Variants in PRKCH observed in about 807,000 individuals in gnomAD.
PRKCH encodes the protein protein kinase C eta.
A neutral mutation model predicts 82.5 loss-of-function variants in PRKCH; 28 were observed. The observed-to-expected ratio is 0.34, with a 90% confidence interval of 0.25 to 0.47. PRKCH has a LOEUF of 0.47. Ranked by LOEUF, PRKCH falls within the 20% of genes least tolerant of loss-of-function variation. The pLI, the probability that PRKCH is intolerant of heterozygous loss-of-function variation, is 1.00. For missense variants in PRKCH, 705 were observed against 881.8 expected, an observed-to-expected ratio of 0.80 and a Z score of 2.54; for synonymous variants, 322 against 327.4, an observed-to-expected ratio of 0.98 and a Z score of 0.18.
intron 2 of PRKCH, among the ~76,000 whole-genome samples, chr14:61,406,072 G>A (rs187218604): frequency 6.6e-6 from 1 of 152,312 alleles, no homozygotes; most frequent in African/African-American, 2.4e-5. Context: ...ACAGAATTCA[G>A]GTAAGCACCT....
Position 61,236,801 on chromosome 14 carries a change from G to A in PRKCH, c.-19+49133G>A, listed in dbSNP as rs1019769221. Among the ~76,000 whole-genome samples the A allele has an allele frequency of 4.7e-5, 7 of 150,344 alleles. No homozygotes were observed. In the South Asian group the frequency reaches 8.5e-4, roughly 18 times the overall value. On this transcript the variant is annotated intron_variant, in intron 1 of 3. Coordinates refer to the PRKCH transcript ENST00000555185. ...CACAAGAGTGACCTCTGGTGTCCTC[G>A]CTGCTACACACCCATCAGCACCACG...
At chr14:61,320,183 C>T (rs2045597058), upstream of PRKCH, among the ~76,000 whole-genome samples, 1 of 151,804 alleles carries the variant, frequency 6.6e-6, no homozygotes, top group African/African-American at 2.4e-5. Context: ...CAAAGCAAAA[C>T]CCAGTCTCTA....
intron 10 of PRKCH, among the ~76,000 whole-genome samples, chr14:61,500,159 G>A (rs1232524493): frequency 6.6e-6 from 1 of 151,306 alleles, no homozygotes; most frequent in Non-Finnish European, 1.5e-5. Context: ...TTGGCTAACT[G>A]AACTGAGTTA....
rs1481234421 is a variant in PRKCH, at chr14:61,457,404, TACTC to T, written c.1104+88_1104+91del. On this transcript the variant is annotated intron_variant, in intron 8 of 13. Transcript: ENST00000332981. ...GTGTGTGTGTGCACGCATGCGCACA[TACTC>T]ACATTTCTCATGTGCCATTCTTTCT... 87 of 1,584,980 alleles carry T rather than the reference TACTC, an allele frequency of 5.5e-5. No individual in the cohort carries two copies. In the Middle Eastern group the frequency reaches 6.8e-4, roughly 12 times the overall value.
intron 1 of PRKCH, among the ~76,000 whole-genome samples, chr14:61,192,018 TTG>T (rs67540297): frequency 0.31 from 45,995 of 148,482 alleles, 8,156 homozygotes; most frequent in East Asian, 0.51. Flanking sequence ...TCCTAAAACA[TTG>T]TGTGTGTGTG....
intron 1 of PRKCH, among the ~76,000 whole-genome samples, chr14:61,224,194 C>T (rs1450324748): frequency 6.6e-6 from 1 of 152,020 alleles, no homozygotes. Context: ...TTTTACTTTT[C>T]CACCTGTTTT....
chr14:61,368,681 A>C (rs1804124701), intron 1 of PRKCH, among the ~76,000 whole-genome samples: 1 of 152,084 alleles, frequency 6.6e-6, no homozygotes, highest in Admixed American at 6.5e-5. Context: ...TGCTGGTTGG[A>C]ATGTGCTGTG....
rs1035172805 is a variant in PRKCH, at chr14:61,506,817, A to G, written c.1433+21161A>G. ...CTCTTCTCAGGCAATGGAGTCTTCAAATGGAATGACCACAGACTGTTTTCT... is the reference window on the plus strand; with the variant it reads ...CTCTTCTCAGGCAATGGAGTCTTCAGATGGAATGACCACAGACTGTTTTCT... On this transcript the variant is annotated intron_variant, in intron 10 of 13. Transcript: ENST00000332981. Among the ~76,000 whole-genome samples, 7 of 152,174 alleles carry G rather than the reference A, an allele frequency of 4.6e-5. No individual in the cohort carries two copies. The South Asian group carries it at 1.0e-3, about 22-fold the overall frequency.
intron 4 of PRKCH, among the ~76,000 whole-genome samples, 195 bp downstream of exon 4, chr14:61,445,921 G>A (rs772308656): frequency 2.6e-5 from 4 of 152,096 alleles, no homozygotes; most frequent in Non-Finnish European, 5.9e-5. Context: ...TAAAGGGGAC[G>A]TTTTTATTTC....
At chr14:61,501,932 T>C (rs1886926992) in intron 10 of PRKCH, among the ~76,000 whole-genome samples, 7 of 152,152 alleles carry the variant, frequency 4.6e-5, no homozygotes. Flanking sequence ...ATGTCTCCTG[T>C]TGAAAAACAA....
chr14:61,383,678 A>G lies in PRKCH; in HGVS notation c.364-7547A>G, dbSNP rs563841516. Among the ~76,000 whole-genome samples the G allele has an allele frequency of 3.9e-4, 59 of 151,934 alleles. 1 individual carries two copies. Among genetic ancestry groups the G allele is most frequent in the Admixed American group, 2.9e-3 (44 of 15,240 alleles). On this transcript the variant is annotated intron_variant, in intron 1 of 13. Coordinates refer to ENST00000332981, the MANE Select transcript of PRKCH (RefSeq NM_006255.5). ...TTGTCCCGACCCTGGGAGTCATTCA[A>G]TAAAGGTTCAAATGAATGAATAGAT...
At chr14:61,404,339 C>T (rs1259899651) in intron 2 of PRKCH, among the ~76,000 whole-genome samples, 1 of 152,144 alleles carries the variant, frequency 6.6e-6, no homozygotes, top group Non-Finnish European at 1.5e-5. Context: ...ACTTAGTTCT[C>T]ATAGGATTTT....
In PRKCH at chr14:61,529,005, T is replaced by TGTGTGTGTGTGTGTGTGTGTGTGTGTGC. The variant is rs1491304992; in HGVS notation, c.1434-69_1434-68insTGTGTGTGTGTGTGTGTGTGTGTGTGCG. On this transcript the variant is annotated intron_variant, in intron 10 of 13. Coordinates refer to ENST00000332981, the MANE Select transcript of PRKCH (RefSeq NM_006255.5). Reference sequence around the variant, plus strand: ...GTGTGTGTGTGTGTGTGTGTGTGTGTGCCCATTCTGAGAGGTGGATGGTTT... The same window carrying TGTGTGTGTGTGTGTGTGTGTGTGTGTGC: ...GTGTGTGTGTGTGTGTGTGTGTGTGTGTGTGTGTGTGTGTGTGTGTGTGTGTGCGCCCATTCTGAGAGGTGGATGGTTT... The TGTGTGTGTGTGTGTGTGTGTGTGTGTGC allele has an allele frequency of 1.2e-5, 17 of 1,460,720 alleles. No individual in the cohort carries two copies. In the African/African-American group the frequency reaches 2.6e-4, roughly 23 times the overall value. 90.5% of individuals were successfully genotyped at this position (1,460,720 alleles called of 1,614,324 possible). A position where few individuals can be genotyped will look rare whatever the true frequency, so the allele number is the denominator to read the frequency against.
intron 1 of PRKCH, among the ~76,000 whole-genome samples, chr14:61,378,891 C>T (rs1329547840): frequency 1.3e-5 from 2 of 152,228 alleles, no homozygotes; most frequent in African/African-American, 4.8e-5. Context: ...CTGTCTTTCA[C>T]TCAGACCATT....
intron 1 of PRKCH, among the ~76,000 whole-genome samples, chr14:61,220,743 G>A (rs2044649679): frequency 6.6e-6 from 1 of 152,146 alleles, no homozygotes; most frequent in African/African-American, 2.4e-5. Context: ...ATCAACACGG[G>A]AGGCAAAAGC....
chr14:61,382,723 T>C (rs2046530755), intron 1 of PRKCH, among the ~76,000 whole-genome samples: 1 of 152,244 alleles, frequency 6.6e-6, no homozygotes, highest in Admixed American at 6.5e-5. Context: ...CCATAGAGTC[T>C]AGATGAACCT....
At chr14:61,523,901 G>A (rs2042934638) in intron 10 of PRKCH, among the ~76,000 whole-genome samples, 1 of 152,226 alleles carries the variant, frequency 6.6e-6, no homozygotes, top group South Asian at 2.1e-4. Flanking sequence ...GATGGATCAG[G>A]GAGGGAGGGA....
intron 1 of PRKCH, among the ~76,000 whole-genome samples, chr14:61,375,226 C>T (rs1003271872): frequency 2.0e-5 from 3 of 152,092 alleles, no homozygotes; most frequent in African/African-American, 7.3e-5. Context: ...TCCTCAGTCT[C>T]CATCTGAGAC....
intron 1 of PRKCH, among the ~76,000 whole-genome samples, chr14:61,223,453 G>A (rs141045369): frequency 4.3e-4 from 66 of 152,272 alleles, no homozygotes; most frequent in African/African-American, 1.5e-3. Flanking sequence ...TAGCTGAGAT[G>A]AGCCCAGCAC....
Sources: gnomAD v4.1 joint callset for allele counts (sites outside exome capture counted in the v4.1 genomes callset) on GRCh38, gnomAD v4.1.1 for gene constraint, MANE v1.5 for transcripts, NCBI Gene and HGNC (gene_info 2026-07-23, HGNC 2026-07-21) for gene names.